The following SAMD12 variants were observed in gnomAD, a reference collection of about 807,000 sequenced individuals.
SAMD12 encodes the protein sterile alpha motif domain-containing protein 12.
In SAMD12, 9 loss-of-function variants were observed where a neutral mutation model predicts 15.0. The ratio of observed to expected loss-of-function variants is 0.60; its 90% CI spans 0.36 to 1.05. SAMD12 has a LOEUF of 1.05. Ranked by LOEUF, SAMD12 falls within the 50% of genes least tolerant of loss-of-function variation. SAMD12 has a pLI of 0.01. For synonymous variants in SAMD12, 86 were observed against 90.1 expected, an observed-to-expected ratio of 0.96 and a Z score of 0.25; for missense variants, 230 against 234.2, an observed-to-expected ratio of 0.98 and a Z score of 0.12.
At chr8:118,563,479 G>A (rs899825276) in intron 2 of SAMD12, among the ~76,000 whole-genome samples, 9 of 152,160 alleles carry the variant, frequency 5.9e-5, no homozygotes, top group African/African-American at 2.2e-4. Flanking sequence ...GGAAGGTTGG[G>A]AAACTCTCAG....
At chr8:118,359,566 G>T (rs1439588125) in intron 4 of SAMD12, among the ~76,000 whole-genome samples, 1 of 152,170 alleles carries the variant, frequency 6.6e-6, no homozygotes, top group Non-Finnish European at 1.5e-5. Context: ...AGCAACGAAC[G>T]TAGCATGGTA....
At chr8:118,160,589 T>A in the SAMD12 span, among the ~76,000 whole-genome samples, 15 of 151,802 alleles carry the variant, frequency 9.9e-5, no homozygotes, top group South Asian at 3.1e-3. Flanking sequence ...GAGGAAAGAG[T>A]TTCATTCAAG....
chr8:118,291,510 T>C (rs1034231020), intron 4 of SAMD12, among the ~76,000 whole-genome samples: 6 of 152,134 alleles, frequency 3.9e-5, no homozygotes, highest in Non-Finnish European at 8.8e-5. Context: ...ATTCCCCTTA[T>C]GGTCTAATTA....
intron 2 of SAMD12, among the ~76,000 whole-genome samples, chr8:118,548,423 A>ACACACACACACACCCCC (rs1491292990): frequency 4.0e-5 from 5 of 125,360 alleles, no homozygotes; most frequent in African/African-American, 1.5e-4. Context: ...ACACACACAC[A>ACACACACACACACCCCC]CCCCATGTGA....
At chr8:118,354,570 G>C (rs1818132502) in intron 4 of SAMD12, among the ~76,000 whole-genome samples, 1 of 152,130 alleles carries the variant, frequency 6.6e-6, no homozygotes, top group Non-Finnish European at 1.5e-5. Flanking sequence ...ATGGTAGCTG[G>C]AAGCCACCTC....
intron 3 of SAMD12, among the ~76,000 whole-genome samples, chr8:118,421,264 GCTC>G (rs1398298248): frequency 1.3e-5 from 2 of 152,110 alleles, no homozygotes; most frequent in African/African-American, 2.4e-5. Context: ...TAAATATTAT[GCTC>G]CTACTTATTT....
chr8:118,447,426 C>A (rs1381893697), intron 2 of SAMD12, among the ~76,000 whole-genome samples: 1 of 151,998 alleles, frequency 6.6e-6, no homozygotes, highest in Non-Finnish European at 1.5e-5. Context: ...CCTCAGCCTC[C>A]TGAGTAGCTG....
chr8:118,422,298 A>T (rs1822033681), intron 3 of SAMD12, among the ~76,000 whole-genome samples: 2 of 152,226 alleles, frequency 1.3e-5, no homozygotes, highest in South Asian at 4.1e-4. Flanking sequence ...GGAGGGAGAT[A>T]AACATGGAAC....
chr8:118,158,991 G>A, the SAMD12 span, among the ~76,000 whole-genome samples: 6 of 151,972 alleles, frequency 3.9e-5, no homozygotes, highest in Non-Finnish European at 8.8e-5. Flanking sequence ...TCCTGAATGC[G>A]GGACAAGAAC....
chr8:118,391,281 T>C (rs1008471785), intron 3 of SAMD12, among the ~76,000 whole-genome samples: 2 of 152,206 alleles, frequency 1.3e-5, no homozygotes, highest in Non-Finnish European at 2.9e-5. Context: ...TAATGGAAGA[T>C]TTATGATAAA....
the SAMD12 span, among the ~76,000 whole-genome samples, chr8:118,139,003 T>C: frequency 1.1e-3 from 174 of 152,290 alleles, no homozygotes; most frequent in Middle Eastern, 3.4e-3. Flanking sequence ...TGTATCGAAC[T>C]TAACAGCCAA....
intron 4 of SAMD12, among the ~76,000 whole-genome samples, chr8:118,368,704 GA>G: frequency 6.6e-6 from 1 of 152,206 alleles, no homozygotes; most frequent in East Asian, 1.9e-4. Flanking sequence ...AGATTTAGTG[GA>G]AAATGAAATA....
At chr8:118,442,445 AT>A (rs1415382948) in intron 2 of SAMD12, among the ~76,000 whole-genome samples, 1 of 152,196 alleles carries the variant, frequency 6.6e-6, no homozygotes, top group Non-Finnish European at 1.5e-5. Flanking sequence ...GGCTGCAGCC[AT>A]TTTCCCTCTA....
chr8:118,306,312 T>C (rs751042447), intron 4 of SAMD12, among the ~76,000 whole-genome samples: 1 of 152,188 alleles, frequency 6.6e-6, no homozygotes. Flanking sequence ...CAATATATAA[T>C]CCATCTAATA....
Position 118,456,511 on chromosome 8 carries a change from T to C in SAMD12, c.193-16550A>G, listed in dbSNP as rs189760514. ...AATAAGTATGGAGCTCTCTCCATTG[T>C]CCATAATGTTTCCTAATGATATATA... is the stretch of plus-strand genomic sequence containing the variant. On this transcript the variant is annotated intron_variant, in intron 2 of 3. Coordinates refer to ENST00000314727, the MANE Select transcript of SAMD12 (RefSeq NM_207506.3). Among the ~76,000 whole-genome samples, 541 of 152,360 alleles carry C rather than the reference T, an allele frequency of 3.6e-3. 3 individuals are homozygous for C. Among genetic ancestry groups the C allele is most frequent in the Middle Eastern group, 0.027 (8 of 294 alleles).
rs974915514 is a variant in SAMD12 at position 118,296,662 on chromosome 8, T to C, written c.433+82898A>G. The stretch of plus-strand genomic sequence containing the variant: ...CAGCTATTTGCTGACACAGCCGAGA[T>C]TGGAATAGAAACATGCCTTTCTACC... On this transcript the variant is annotated intron_variant, in intron 4 of 4. Coordinates refer to the SAMD12 transcript ENST00000409003. 2.0e-5 allele frequency among the ~76,000 whole-genome samples: 3 copies of C among 152,214 alleles called. No homozygotes were observed. The East Asian group carries it at 5.8e-4, about 29-fold the overall frequency.
chr8:118,454,828 T>C (rs992900463), intron 2 of SAMD12, among the ~76,000 whole-genome samples: 1 of 152,168 alleles, frequency 6.6e-6, no homozygotes, highest in African/African-American at 2.4e-5. Context: ...CAATTACCAT[T>C]CTACTTTCTG....
At chr8:118,173,703 C>G in the SAMD12 span, among the ~76,000 whole-genome samples, 2 of 148,634 alleles carry the variant, frequency 1.3e-5, no homozygotes, top group South Asian at 2.1e-4. Context: ...AATCTCAGCT[C>G]ACTGCCACCT....
At chr8:118,297,097 G>C (rs2130299606) in intron 4 of SAMD12, among the ~76,000 whole-genome samples, 1 of 152,210 alleles carries the variant, frequency 6.6e-6, no homozygotes, top group Non-Finnish European at 1.5e-5. Flanking sequence ...TAACTATGAG[G>C]CCTGTCTATG....
Sources: gnomAD v4.1 joint callset for allele counts (sites outside exome capture counted in the v4.1 genomes callset) on GRCh38, gnomAD v4.1.1 for gene constraint, MANE v1.5 for transcripts, NCBI Gene and HGNC (gene_info 2026-07-23, HGNC 2026-07-21) for gene names.